AGMO: variants seen among roughly 807,000 people sequenced by gnomAD.
AGMO encodes alkylglycerol monooxygenase.
A neutral mutation model predicts 60.2 loss-of-function variants in AGMO; 75 were observed. The observed-to-expected ratio is 1.25, with a 90% confidence interval of 1.03 to 1.51. The LOEUF (loss-of-function observed/expected upper bound fraction) is 1.51. Ranked by LOEUF, AGMO falls within the 40% of genes most tolerant of loss-of-function variation. The probability of loss-of-function intolerance (pLI) is 0.00; values close to 1 mark genes in which losing one functional copy is unlikely to be tolerated. For synonymous variants in AGMO, 261 were observed against 177.1 expected (o/e 1.47, Z -3.76); for missense variants, 763 against 525.5 (o/e 1.45, Z -4.42).
At chr7:15,118,896 T>C in the AGMO span, among the ~76,000 whole-genome samples, 1 of 138,204 alleles carries the variant, frequency 7.2e-6, no homozygotes. Context: ...TTTTTTTTTT[T>C]TTTTTTTTTT....
At chr7:15,293,759 G>GTA (rs1377568140) in intron 12 of AGMO, among the ~76,000 whole-genome samples, 3 of 152,118 alleles carry the variant, frequency 2.0e-5, no homozygotes, top group Non-Finnish European at 4.4e-5. Flanking sequence ...TTGCCAGTGA[G>GTA]TATTAAACTA....
At chr7:15,558,148 G>A (rs1440890456) in intron 2 of AGMO, among the ~76,000 whole-genome samples, 1 of 148,272 alleles carries the variant, frequency 6.7e-6, no homozygotes, top group East Asian at 1.9e-4. Context: ...ATTGTATTGA[G>A]GATACAGTTT....
At chr7:15,458,455 G>A in intron 3 of AGMO, among the ~76,000 whole-genome samples, 1 of 152,162 alleles carries the variant, frequency 6.6e-6, no homozygotes, top group East Asian at 1.9e-4. Context: ...GGCCTAGCCT[G>A]GGAATTTTAT....
chr7:15,120,474 G>A, the AGMO span, among the ~76,000 whole-genome samples: 6 of 152,132 alleles, frequency 3.9e-5, no homozygotes, highest in African/African-American at 1.4e-4. Flanking sequence ...GCCTTCGGGA[G>A]GTAATTAGTT....
intron 10 of AGMO, among the ~76,000 whole-genome samples, chr7:15,367,451 GCTTT>G (rs1403700272): frequency 6.6e-6 from 1 of 151,576 alleles, no homozygotes; most frequent in East Asian, 1.9e-4. Context: ...CATTATATCG[GCTTT>G]ATTTTTAAAA....
intron 12 of AGMO, among the ~76,000 whole-genome samples, chr7:15,279,344 G>C (rs10447593): frequency 6.6e-6 from 1 of 152,112 alleles, no homozygotes; most frequent in Non-Finnish European, 1.5e-5. Flanking sequence ...ATGAATTCCA[G>C]CATGCTCTCT....
chr7:15,351,795 C>G (rs1012938159), intron 12 of AGMO, among the ~76,000 whole-genome samples: 3 of 152,008 alleles, frequency 2.0e-5, no homozygotes, highest in Admixed American at 6.6e-5. Context: ...GAGATAAAAA[C>G]AGTAAGCAAA....
chr7:15,515,589 GCA>G (rs1303823270), intron 3 of AGMO, among the ~76,000 whole-genome samples: 6 of 152,210 alleles, frequency 3.9e-5, no homozygotes, highest in Non-Finnish European at 7.3e-5. Context: ...GTATATGAAT[GCA>G]TATTTAAATG....
chr7:15,147,205 C>T, the AGMO span, among the ~76,000 whole-genome samples: 4 of 151,984 alleles, frequency 2.6e-5, no homozygotes, highest in Non-Finnish European at 4.4e-5. Context: ...ACCCTCCTGT[C>T]TTTTATAGAC....
rs530775343 is a variant in AGMO at position 15,308,929 on chromosome 7, T to C, written c.1263+56585A>G. Among the ~76,000 whole-genome samples the C allele has an allele frequency of 2.0e-5, 3 of 152,142 alleles. No individual in the cohort carries two copies. In the South Asian group the frequency reaches 6.2e-4, roughly 31 times the overall value. On this transcript the variant is annotated intron_variant, in intron 12 of 12. Coordinates refer to ENST00000342526, the MANE Select transcript of AGMO (RefSeq NM_001004320.2). ...TTTGTTAGACTTCAAAGTCCAGACT[T>C]GTGGTTGGTCAAATGGAGTGATTTG...
In AGMO at chr7:15,458,401, A is replaced by G. The variant is rs141685679; in HGVS notation, c.410-27293T>C. ...TTTTTAGATGGCACTGACAGTTTGC[A>G]TGAAGCTTGGGAGTGGTGTGACTTG... On this transcript the variant is annotated intron_variant, in intron 3 of 12. Transcript: ENST00000342526. Among the ~76,000 whole-genome samples the G allele has an allele frequency of 5.6e-4, 86 of 152,352 alleles. No homozygotes were observed. The East Asian group carries it at 8.1e-3, about 14-fold the overall frequency.
intron 12 of AGMO, among the ~76,000 whole-genome samples, chr7:15,311,587 A>C (rs996341908): frequency 1.3e-5 from 2 of 152,130 alleles, no homozygotes; most frequent in Non-Finnish European, 2.9e-5. Flanking sequence ...GCTTTGGTAA[A>C]ACCTCCAGCT....
intron 12 of AGMO, among the ~76,000 whole-genome samples, chr7:15,312,404 CT>C (rs1254297754): frequency 3.9e-5 from 6 of 151,918 alleles, no homozygotes; most frequent in Admixed American, 1.3e-4. Context: ...GGCAAGTTTC[CT>C]TTAAGTAATT....
intron 5 of AGMO, among the ~76,000 whole-genome samples, chr7:15,406,359 TATATACACAC>T (rs904858955): frequency 1.9e-4 from 26 of 138,888 alleles, no homozygotes; most frequent in African/African-American, 5.9e-4. Flanking sequence ...TATATATATG[TATATACACAC>T]ATACATATGA....
At chr7:15,423,076 G>T (rs1780967919) in intron 4 of AGMO, among the ~76,000 whole-genome samples, 1 of 145,354 alleles carries the variant, frequency 6.9e-6, no homozygotes, top group South Asian at 2.2e-4. Flanking sequence ...AAAGCTTTTG[G>T]ACTCTAGAAT....
intron 2 of AGMO, among the ~76,000 whole-genome samples, chr7:15,548,458 G>C (rs1784851407): frequency 6.6e-6 from 1 of 151,820 alleles, no homozygotes; most frequent in Admixed American, 6.6e-5. Context: ...AACCAATACA[G>C]AGAAGTGCTT....
downstream of AGMO, among the ~76,000 whole-genome samples, chr7:15,196,200 T>C (rs1781111996): frequency 6.6e-6 from 1 of 151,628 alleles, no homozygotes; most frequent in Admixed American, 6.6e-5. Flanking sequence ...CACCACCACA[T>C]CTGGATAATT....
At chr7:15,194,471 G>A in the AGMO span, among the ~76,000 whole-genome samples, 2 of 152,024 alleles carry the variant, frequency 1.3e-5, no homozygotes, top group South Asian at 2.1e-4. Context: ...CTCTGCAGTT[G>A]CATGTGTTAG....
intron 3 of AGMO, among the ~76,000 whole-genome samples, chr7:15,536,171 A>G (rs1277772834): frequency 6.6e-6 from 1 of 151,910 alleles, no homozygotes; most frequent in East Asian, 1.9e-4. Context: ...AAATCTTATG[A>G]GATGTATACT....
Sources: allele counts gnomAD v4.1 joint callset (sites outside exome capture counted in the v4.1 genomes callset), GRCh38; gene constraint gnomAD v4.1.1; transcripts MANE v1.5; gene names NCBI Gene and HGNC (gene_info 2026-07-23, HGNC 2026-07-21).